The following MED23 variants were observed in gnomAD, a reference collection of about 807,000 sequenced individuals.
MED23 encodes the protein mediator of RNA polymerase II transcription subunit 23.
MED23 carries 105 observed loss-of-function variants against 163.9 expected under a neutral mutation model. That is an observed-to-expected ratio of 0.64 (90% CI 0.55 to 0.75). The LOEUF (loss-of-function observed/expected upper bound fraction) is 0.75. MED23 is among the 30% of genes least tolerant of loss of function. The pLI is 0.00. For missense variants in MED23, 1,054 were observed against 1,649.0 expected (o/e 0.64, Z 6.25); for synonymous variants, 561 against 565.6 (o/e 0.99, Z 0.12).
chr6:131,581,272 T>C, intron 30 of MED23: 3 of 1,613,800 alleles, frequency 1.9e-6, no homozygotes, highest in Non-Finnish European at 2.5e-6. Flanking sequence ...GATCTTGGAG[T>C]CATCTGGGTG....
chr6:131,584,759 A>T (rs1440741260), downstream of MED23, among the ~76,000 whole-genome samples: 1 of 151,370 alleles, frequency 6.6e-6, no homozygotes, highest in African/African-American at 2.4e-5. Flanking sequence ...AAAGAGCTTG[A>T]GTCCAGGAGT....
At chr6:131,627,879 C>T (rs138146315) in intron 1 of MED23, 132 bp downstream of exon 1, 592 of 1,247,684 alleles carry the variant, frequency 4.7e-4, no homozygotes, top group Non-Finnish European at 6.4e-4. Context: ...CCGCATACAA[C>T]CTCGGTGTCA....
At chr6:131,574,246 G>A (rs762590716) in exon 31 of MED23, 86 of 1,612,210 alleles carry the variant, frequency 5.3e-5, no homozygotes, top group Admixed American at 3.0e-4. Flanking sequence ...TCTGGGCAGC[G>A]TTTTGCTTCC....
chr6:131,627,685 A>AC lies in MED23; in HGVS notation c.40-14_40-13insG. 1.2e-6 allele frequency: 2 copies of AC among 1,602,706 alleles called. No homozygotes were observed. The highest frequency in any genetic ancestry group is 8.5e-7 in the Non-Finnish European group (1 of 1,175,952). On this transcript the variant is annotated splice_polypyrimidine_tract_variant and intron_variant, in intron 1 of 28. Coordinates refer to ENST00000368068, the MANE Select transcript of MED23 (RefSeq NM_004830.4). ...TAACTTCCGTTTTCTGTAAAAAAAA[A>AC]AAAAACAAAATGTAAACAATGTTAA...
At chr6:131,582,705 C>A (rs775104877), downstream of MED23, 6 of 1,613,430 alleles carry the variant, frequency 3.7e-6, no homozygotes, top group African/African-American at 1.3e-5. Flanking sequence ...AGACGTGGAC[C>A]CTGGGGAACA....
At chr6:131,589,725 A>G in intron 27 of MED23, 129 bp from the exon 28 acceptor site, 1 of 810,606 alleles carries the variant, frequency 1.2e-6, no homozygotes, top group Non-Finnish European at 2.1e-6. Flanking sequence ...GTCATATACC[A>G]TATACACCTC....
Position 131,610,327 on chromosome 6 carries a change from T to C in MED23, c.877-81A>G, listed in dbSNP as rs1354420046. ...GTTACCAGTTAATGGGCATTAATTG[T>C]AACAAGAGGCTGAGAAGCACGGAAT... is the stretch of plus-strand genomic sequence containing the variant. On this transcript the variant is annotated intron_variant, in intron 10 of 28. Coordinates refer to ENST00000368068, the MANE Select transcript of MED23 (RefSeq NM_004830.4). The C allele has an allele frequency of 1.0e-5, 14 of 1,347,070 alleles. No individual in the cohort carries two copies. In the South Asian group the frequency reaches 1.5e-4, roughly 14 times the overall value. 83.4% of individuals were successfully genotyped at this position (1,347,070 alleles called of 1,614,324 possible).
At chr6:131,622,020 T>C (rs751522295) in intron 5 of MED23, 41 bp from the exon 6 acceptor site, 5 of 1,427,600 alleles carry the variant, frequency 3.5e-6, no homozygotes, top group Admixed American at 1.7e-5. Context: ...TTAAGTAGTG[T>C]CTACTGTGTT....
At chr6:131,617,358 G>GA (rs770611525) in intron 9 of MED23, among the ~76,000 whole-genome samples, 292 of 132,346 alleles carry the variant, frequency 2.2e-3, no homozygotes, top group African/African-American at 4.7e-3. Context: ...CGGATAGATA[G>GA]AAAAAAAAAA....
chr6:131,603,325 A>G, intron 15 of MED23, 121 bp from the exon 16 acceptor site: 1 of 907,228 alleles, frequency 1.1e-6, no homozygotes, highest in Admixed American at 2.0e-5. Context: ...ACGCCCACAC[A>G]CATATATATT....
At chr6:131,627,617 A>G (rs373501080) in intron 2 of MED23, 24 bp downstream of exon 2, 9 of 1,612,924 alleles carry the variant, frequency 5.6e-6, no homozygotes, top group Non-Finnish European at 7.6e-6. Flanking sequence ...TAAAAACACA[A>G]AACTCTGCCA....
intron 6 of MED23, among the ~76,000 whole-genome samples, chr6:131,621,640 G>A (rs963211212): frequency 3.3e-5 from 5 of 152,144 alleles, no homozygotes; most frequent in African/African-American, 7.2e-5. Flanking sequence ...CTAAGGTCTT[G>A]TAATGTTTAA....
chr6:131,575,720 A>C (rs1372247120), intron 30 of MED23, among the ~76,000 whole-genome samples: 10 of 152,250 alleles, frequency 6.6e-5, no homozygotes, highest in Admixed American at 6.5e-4. Flanking sequence ...AATTAAAATC[A>C]GAAAGATACA....
chr6:131,580,832 T>G (rs1035234143), intron 30 of MED23, among the ~76,000 whole-genome samples: 1 of 152,208 alleles, frequency 6.6e-6, no homozygotes, highest in Non-Finnish European at 1.5e-5. Flanking sequence ...CCAAGAGAGA[T>G]GAGTGTACAG....
Position 131,620,698 on chromosome 6 carries a change from C to T in MED23, c.527G>A (p.Cys176Tyr). 2 of 1,613,364 alleles carry T rather than the reference C, an allele frequency of 1.2e-6. No homozygotes were observed. The highest frequency in any genetic ancestry group is 1.7e-6 in the Non-Finnish European group (2 of 1,179,502). The stretch of plus-strand genomic sequence containing the variant: ...GACTGCAAAATAGGCTGGTAATAAG[C>T]AGGCATTTCTTTCCAAGATATATGC... The part of the protein sequence containing the change: ...VIAYILERNA[C>Y]LLPAYFAVTE... Residue 176 changes from cysteine (C) to tyrosine (Y), a missense_variant, in exon 7 of 29, where the codon TGC (cysteine) becomes TAC (tyrosine). Transcript: ENST00000368068.
At chr6:131,596,465 TACTC>T (rs1775055679) in intron 21 of MED23, 49 bp downstream of exon 21, 3 of 1,593,226 alleles carry the variant, frequency 1.9e-6, no homozygotes, top group African/African-American at 2.7e-5. Flanking sequence ...CTTCATCAAA[TACTC>T]AAGTATGGCT....
At chr6:131,584,818 C>CAT (rs1774118962), downstream of MED23, among the ~76,000 whole-genome samples, 1 of 128,522 alleles carries the variant, frequency 7.8e-6, no homozygotes, top group Non-Finnish European at 1.6e-5. Flanking sequence ...ACAAAAAATA[C>CAT]ACACACACAC....
intron 18 of MED23, among the ~76,000 whole-genome samples, chr6:131,599,180 G>A (rs1775286016): frequency 1.3e-5 from 2 of 152,330 alleles, no homozygotes; most frequent in South Asian, 4.1e-4. Context: ...GGTCTTACAA[G>A]AAATGCAAAA....
chr6:131,609,506 C>CTTTTTTTT (rs71030751), intron 11 of MED23, among the ~76,000 whole-genome samples: 5 of 98,022 alleles, frequency 5.1e-5, no homozygotes, highest in East Asian at 3.0e-4. Flanking sequence ...GAGACTATTC[C>CTTTTTTTT]TTTTTTTTTT....
Sources: allele counts gnomAD v4.1 joint callset (sites outside exome capture counted in the v4.1 genomes callset), GRCh38; gene constraint gnomAD v4.1.1; transcripts MANE v1.5; gene names NCBI Gene and HGNC (gene_info 2026-07-23, HGNC 2026-07-21).